The following GARIN5B variants were observed in gnomAD, a reference collection of about 807,000 sequenced individuals.
GARIN5B encodes Golgi-associated RAB2 interactor protein 5B.
At chr19:55,362,398 G>T in the GARIN5B span, 2 of 1,550,610 alleles carry the variant, frequency 1.3e-6, no homozygotes, top group East Asian at 4.9e-5. Flanking sequence ...CGTTGTCAGG[G>T]GCGTCCAGGG....
the GARIN5B span, chr19:55,358,733 G>A: frequency 2.9e-5 from 45 of 1,549,804 alleles, no homozygotes; most frequent in Non-Finnish European, 3.4e-5. Flanking sequence ...AGCGGATTTC[G>A]AGGGCTGCTC....
chr19:55,360,457 C>A, the GARIN5B span, among the ~76,000 whole-genome samples: 1 of 148,812 alleles, frequency 6.7e-6, no homozygotes, highest in Non-Finnish European at 1.5e-5. Flanking sequence ...AGGCCCCCAG[C>A]CCCTCCTCCC....
At chr19:55,356,814 G>A in the GARIN5B span, among the ~76,000 whole-genome samples, 1 of 151,942 alleles carries the variant, frequency 6.6e-6, no homozygotes, top group South Asian at 2.1e-4. Flanking sequence ...CTTTTGGGAG[G>A]CCGAGGTGGG....
At chr19:55,361,789 A>G in the GARIN5B span, among the ~76,000 whole-genome samples, 5 of 83,566 alleles carry the variant, frequency 6.0e-5, no homozygotes, top group Admixed American at 1.3e-4. Flanking sequence ...CAGACCCCAC[A>G]GCCCCTCCTC....
At chr19:55,358,810 C>T in the GARIN5B span, 2 of 1,548,076 alleles carry the variant, frequency 1.3e-6, no homozygotes, top group Admixed American at 3.9e-5. Flanking sequence ...GCCTGCTGTG[C>T]TCCTGGGAGG....
chr19:55,358,103 C>T, the GARIN5B span: 1 of 1,394,548 alleles, frequency 7.2e-7, no homozygotes, highest in Non-Finnish European at 9.4e-7. Flanking sequence ...GTCTCATAAA[C>T]AGCAGAGCTC....
chr19:55,358,061 A>AG, the GARIN5B span: 5 of 1,344,948 alleles, frequency 3.7e-6, no homozygotes, highest in Non-Finnish European at 4.8e-6. Context: ...CAAAAAAAAA[A>AG]AAAAAAGTGA....
chr19:55,361,282 G>A, the GARIN5B span: 2 of 1,547,978 alleles, frequency 1.3e-6, no homozygotes, highest in Non-Finnish European at 1.7e-6. Context: ...CCCAGGGGAG[G>A]GCACGAGGAC....
chr19:55,354,973 C>T, the GARIN5B span: 2 of 170,896 alleles, frequency 1.2e-5, no homozygotes, highest in African/African-American at 4.9e-5. Flanking sequence ...CCCCCGCCCC[C>T]CCCCGCCCCC....
the GARIN5B span, chr19:55,358,585 C>T: frequency 3.3e-4 from 515 of 1,551,342 alleles, 1 homozygote; most frequent in African/African-American, 5.8e-3. Context: ...CCCAGGTGTG[C>T]GACTCTGGCT....
the GARIN5B span, chr19:55,359,460 G>C: frequency 6.5e-7 from 1 of 1,546,554 alleles, no homozygotes; most frequent in Non-Finnish European, 8.7e-7. Context: ...GGGGCCTTCT[G>C]GGATGGAGCA....
the GARIN5B span, chr19:55,363,220 G>A: frequency 1.3e-6 from 1 of 766,402 alleles, no homozygotes; most frequent in Middle Eastern, 4.0e-4. The surrounding 1 kb of genome is among the most constrained non-coding windows in gnomAD (Gnocchi z 4.0). Flanking sequence ...GGGAGACTCG[G>A]GCCTCCGCCA....
At chr19:55,358,237 CAAAAGAATTTCTGAAGACG>C in the GARIN5B span, 14 of 1,550,786 alleles carry the variant, frequency 9.0e-6, no homozygotes, top group South Asian at 1.5e-4. Flanking sequence ...AGAGCATGGG[CAAAAGAATTTCTGAAGACG>C]ACCCCACAGT....
chr19:55,359,325 T>C, the GARIN5B span: 1 of 1,446,544 alleles, frequency 6.9e-7, no homozygotes, highest in Non-Finnish European at 9.1e-7. Context: ...TTCTGGGGAA[T>C]GGTAGGTACA....
chr19:55,362,752 G>A, the GARIN5B span: 2 of 1,521,118 alleles, frequency 1.3e-6, no homozygotes, highest in Middle Eastern at 1.7e-4. Flanking sequence ...CCAGGGAGAG[G>A]GGGCTGGGAC....
At chr19:55,360,949 G>T in the GARIN5B span, 1 of 1,545,242 alleles carries the variant, frequency 6.5e-7, no homozygotes, top group East Asian at 2.5e-5. Flanking sequence ...TCTGGGCTGG[G>T]GTCTCCCACC....
At chr19:55,362,281 C>G in the GARIN5B span, 1 of 1,545,976 alleles carries the variant, frequency 6.5e-7, no homozygotes, top group Admixed American at 2.0e-5. Flanking sequence ...CTTCGGCCAG[C>G]GGCATATCCA....
the GARIN5B span, chr19:55,359,025 C>G: frequency 1.2e-5 from 19 of 1,551,338 alleles, no homozygotes; most frequent in Non-Finnish European, 1.7e-5. Flanking sequence ...TTCTTGGTCA[C>G]GGTGAAGGGC....
At chr19:55,357,098 G>A in the GARIN5B span, among the ~76,000 whole-genome samples, 1 of 152,200 alleles carries the variant, frequency 6.6e-6, no homozygotes, top group East Asian at 1.9e-4. Context: ...TCCAACCCAT[G>A]AGTAGTCACT....
Sources: allele counts gnomAD v4.1 joint callset (sites outside exome capture counted in the v4.1 genomes callset), GRCh38; gene constraint gnomAD v4.1.1; non-coding constraint Gnocchi (gnomAD v3.1); transcripts MANE v1.5; gene names NCBI Gene and HGNC (gene_info 2026-07-23, HGNC 2026-07-21).